SIDT1: variants seen among roughly 807,000 people sequenced by gnomAD.
SIDT1 encodes SID1 transmembrane family member 1, also known as SID1 transmembrane family, member 1.
SIDT1 carries 101 observed loss-of-function variants against 107.5 expected under a neutral mutation model. That is an observed-to-expected ratio of 0.94 (90% CI 0.80 to 1.11). The LOEUF (loss-of-function observed/expected upper bound fraction) is 1.11, where lower values mean the gene tolerates loss of function less well. Among genes scored for constraint, SIDT1 ranks in the 50% least tolerant of loss-of-function variants. SIDT1 has a pLI of 0.00. For synonymous variants in SIDT1, 395 were observed against 398.2 expected (o/e 0.99, Z 0.10); for missense variants, 1,076 against 1,058.2 (o/e 1.02, Z -0.23).
At chr3:113,586,628 GTAGT>G (rs927529113) in intron 9 of SIDT1, among the ~76,000 whole-genome samples, 2 of 152,128 alleles carry the variant, frequency 1.3e-5, no homozygotes, top group Non-Finnish European at 2.9e-5. Context: ...AAATTGCTTA[GTAGT>G]TAAAGTGGAA....
chr3:113,538,088 C>T (rs1185128591), intron 1 of SIDT1, among the ~76,000 whole-genome samples: 3 of 152,148 alleles, frequency 2.0e-5, no homozygotes, highest in African/African-American at 4.8e-5. Flanking sequence ...TGGCCTCATG[C>T]GTCTTCTTAT....
chr3:113,545,707 T>G (rs1032105596), intron 1 of SIDT1, among the ~76,000 whole-genome samples: 1 of 152,220 alleles, frequency 6.6e-6, no homozygotes, highest in African/African-American at 2.4e-5. Context: ...TAATTCTCAG[T>G]TTTGAATTTG....
At chr3:113,537,384 T>C (rs909330435) in intron 1 of SIDT1, among the ~76,000 whole-genome samples, 5 of 152,210 alleles carry the variant, frequency 3.3e-5, no homozygotes, top group Non-Finnish European at 5.9e-5. Flanking sequence ...TTAAGAACAA[T>C]GAAATGCCCA....
In SIDT1 at chr3:113,580,759, C is replaced by T. The variant is rs989800166; in HGVS notation, c.663+50C>T. ...TTCTACTATAGAGCATTATATTATT[C>T]CAGAACAAATGAAAGAGAAGGGTGG... On this transcript the variant is annotated intron_variant, in intron 5 of 24. Coordinates refer to ENST00000264852, the MANE Select transcript of SIDT1 (RefSeq NM_017699.3). 4 of 1,172,176 alleles carry T rather than the reference C, an allele frequency of 3.4e-6. No individual in the cohort carries two copies. In the African/African-American group the frequency reaches 6.1e-5, roughly 18 times the overall value. The allele number at this position is 1,172,176 out of a possible 1,614,324, so 72.6% of individuals were successfully genotyped here. A position where few individuals can be genotyped will look rare whatever the true frequency, so the allele number is the denominator to read the frequency against.
chr3:113,580,575 T>C (rs762515734), intron 4 of SIDT1, 33 bp from the exon 5 acceptor site: 2 of 1,340,106 alleles, frequency 1.5e-6, no homozygotes, highest in Non-Finnish European at 2.1e-6. Context: ...TTCATGTAAA[T>C]ATAAATCATG....
chr3:113,611,284 A>G (rs948276808), intron 18 of SIDT1, 140 bp downstream of exon 18: 27 of 980,672 alleles, frequency 2.8e-5, no homozygotes, highest in Non-Finnish European at 3.7e-5. Context: ...ACACAATTTC[A>G]TCTCATGACA....
Position 113,611,092 on chromosome 3 carries a change from A to G in SIDT1, c.1805A>G (p.Tyr602Cys), listed in dbSNP as rs34023543. The G allele has an allele frequency of 0.01, 16,444 of 1,613,720 alleles. 106 individuals carry two copies. The highest frequency in any genetic ancestry group is 0.013 in the Non-Finnish European group (14,902 of 1,179,924). Residue 602 changes from tyrosine (Y) to cysteine (C), a missense_variant, in exon 18 of 25, where the codon TAC becomes TGC. Physicochemically the swap from Tyr to Cys is radical, Grantham distance 194. Coordinates refer to ENST00000264852, the MANE Select transcript of SIDT1 (RefSeq NM_017699.3). Reference sequence around the variant, plus strand: ...CACCCAGACATCAATGCCAGCGCCTACTCTGCCTATGCCTCCTTTGCTGTG... The same window carrying G: ...CACCCAGACATCAATGCCAGCGCCTGCTCTGCCTATGCCTCCTTTGCTGTG... Reference protein sequence around the residue: ...TRHPDINASAYSAYASFAVVI... With the variant: ...TRHPDINASACSAYASFAVVI...
chr3:113,608,329 C>A, intron 16 of SIDT1, 90 bp from the exon 17 acceptor site: 3 of 1,533,352 alleles, frequency 2.0e-6, no homozygotes, highest in Non-Finnish European at 1.8e-6. Context: ...TAATAAACTA[C>A]ATGAGGCCAG....
At chr3:113,631,781 T>C (rs756987650), downstream of SIDT1, among the ~76,000 whole-genome samples, 2 of 152,224 alleles carry the variant, frequency 1.3e-5, no homozygotes, top group Non-Finnish European at 2.9e-5. Context: ...CTGTTTACAC[T>C]GGACAGCTTT....
chr3:113,604,105 T>A (rs1022658858), intron 13 of SIDT1, 72 bp downstream of exon 13: 3 of 1,084,540 alleles, frequency 2.8e-6, no homozygotes, highest in African/African-American at 1.6e-5. Flanking sequence ...CCACAACCAC[T>A]TAGGCACAAG....
intron 1 of SIDT1, among the ~76,000 whole-genome samples, 184 bp downstream of exon 1, chr3:113,533,427 C>T (rs553565912): frequency 6.6e-6 from 1 of 152,328 alleles, no homozygotes; most frequent in Admixed American, 6.5e-5. Flanking sequence ...TCGGGGACAA[C>T]TCTGCTTCGC....
chr3:113,539,428 A>G (rs907051956), intron 1 of SIDT1, among the ~76,000 whole-genome samples: 2 of 152,170 alleles, frequency 1.3e-5, no homozygotes, highest in Non-Finnish European at 2.9e-5. Flanking sequence ...TTCTGCAGGA[A>G]GGTCCAAGTC....
intron 6 of SIDT1, chr3:113,581,658 A>G (rs1203305490): frequency 2.0e-6 from 1 of 500,000 alleles, no homozygotes; most frequent in South Asian, 2.4e-5. Flanking sequence ...GGATCACCTA[A>G]AGTCAGGAGT....
Position 113,534,172 on chromosome 3 carries a change from T to G in SIDT1, c.222+929T>G, listed in dbSNP as rs750888160. Reference sequence around the variant, plus strand: ...CTTCCCATATAAATGTGTTTATGTATCCCTTACTATACCAGCATCCCCTAC... The same window carrying G: ...CTTCCCATATAAATGTGTTTATGTAGCCCTTACTATACCAGCATCCCCTAC... On this transcript the variant is annotated intron_variant, in intron 1 of 24. Coordinates refer to ENST00000264852, the MANE Select transcript of SIDT1 (RefSeq NM_017699.3). Among the ~76,000 whole-genome samples the G allele has an allele frequency of 9.6e-4, 146 of 152,236 alleles. 2 individuals are homozygous for G. The highest frequency in any genetic ancestry group is 3.4e-3 in the Middle Eastern group (1 of 294).
In SIDT1 at chr3:113,593,683, C is replaced by A. The variant is rs570795319; in HGVS notation, c.1045+635C>A. Among the ~76,000 whole-genome samples the A allele has an allele frequency of 3.3e-5, 5 of 152,264 alleles. No individual in the cohort carries two copies. The East Asian group carries it at 9.6e-4, about 29-fold the overall frequency. On this transcript the variant is annotated intron_variant, in intron 10 of 24. Coordinates refer to ENST00000264852, the MANE Select transcript of SIDT1 (RefSeq NM_017699.3). ...TAGGACATAATTGTTCATACCTGTC[C>A]TATCCCAAAGCTGATTTGTGAACAA...
chr3:113,545,352 AT>A (rs1291722687), intron 1 of SIDT1, among the ~76,000 whole-genome samples: 1 of 151,910 alleles, frequency 6.6e-6, no homozygotes, highest in African/African-American at 2.4e-5. Flanking sequence ...TCTCTCATTT[AT>A]TTATTTACTT....
At chr3:113,585,402 T>G (rs1943671616) in intron 9 of SIDT1, 132 bp downstream of exon 9, 5 of 694,412 alleles carry the variant, frequency 7.2e-6, no homozygotes, top group Non-Finnish European at 1.3e-5. Flanking sequence ...CTTGGATACC[T>G]TGTGACCTTG....
chr3:113,637,091 CAGTG>C, the SIDT1 span, among the ~76,000 whole-genome samples: 2 of 152,082 alleles, frequency 1.3e-5, no homozygotes, highest in African/African-American at 2.4e-5. Flanking sequence ...TAAAGAATGA[CAGTG>C]GGCCGGGCGC....
intron 4 of SIDT1, 50 bp downstream of exon 4, chr3:113,577,017 C>T (rs1226378562): frequency 2.2e-5 from 35 of 1,567,630 alleles, no homozygotes; most frequent in Non-Finnish European, 3.0e-5. Flanking sequence ...GTTGGTGTTG[C>T]CTGCCTGTTA....
Sources: gnomAD v4.1 joint callset for allele counts (sites outside exome capture counted in the v4.1 genomes callset) on GRCh38, gnomAD v4.1.1 for gene constraint, MANE v1.5 for transcripts, NCBI Gene and HGNC (gene_info 2026-07-23, HGNC 2026-07-21) for gene names.